TMPRSS9: variants seen among roughly 807,000 people sequenced by gnomAD.
TMPRSS9 encodes the protein transmembrane serine protease 9.
Under a neutral mutation model 111.4 loss-of-function variants are expected in TMPRSS9, and 113 were observed. That is an observed-to-expected ratio of 1.01 (90% CI 0.87 to 1.19). The LOEUF (loss-of-function observed/expected upper bound fraction) is 1.19. TMPRSS9 is among the 50% of genes most tolerant of loss of function. TMPRSS9 has a pLI of 0.00. For synonymous variants in TMPRSS9, 805 were observed against 659.1 expected (o/e 1.22, Z -3.39); for missense variants, 1,803 against 1,513.1 (o/e 1.19, Z -3.18).
intron 1 of TMPRSS9, among the ~76,000 whole-genome samples, chr19:2,368,644 G>A (rs898807556): frequency 6.6e-6 from 1 of 152,096 alleles, no homozygotes; most frequent in African/African-American, 2.4e-5. Flanking sequence ...TGTGAGCCTG[G>A]GCGATGCCCT....
chr19:2,383,261 C>T (rs1970407456), intron 1 of TMPRSS9, among the ~76,000 whole-genome samples: 1 of 151,440 alleles, frequency 6.6e-6, no homozygotes, highest in East Asian at 1.9e-4. Context: ...AGCTGAGGCA[C>T]AAGAATTGCT....
chr19:2,368,774 G>GTTTTTTTT lies in TMPRSS9; in HGVS notation c.-26+8434_-26+8441dup, dbSNP rs762761358. Among the ~76,000 whole-genome samples, 385 of 70,362 alleles carry GTTTTTTTT rather than the reference G, an allele frequency of 5.5e-3. 72 individuals are homozygous for GTTTTTTTT. Among genetic ancestry groups the GTTTTTTTT allele is most frequent in the African/African-American group, 9.0e-3 (149 of 16,536 alleles). 46.2% of individuals were successfully genotyped at this position (70,362 alleles called of 152,430 possible). ...TGCCAGGGCATCAAGGATAAACCCAGTTTTTTTTTTTTTTTTTTTTTTTTT... is the reference window on the plus strand; with the variant it reads ...TGCCAGGGCATCAAGGATAAACCCAGTTTTTTTTTTTTTTTTTTTTTTTTTTTTTTTTT... On this transcript the variant is annotated intron_variant, in intron 1 of 17. Coordinates refer to the TMPRSS9 transcript ENST00000649857.
At chr19:2,380,552 A>C (rs1198898847) in intron 1 of TMPRSS9, among the ~76,000 whole-genome samples, 1 of 149,532 alleles carries the variant, frequency 6.7e-6, no homozygotes, top group African/African-American at 2.5e-5. Context: ...AGTGAGCCAA[A>C]GTTGTGCCAC....
chr19:2,383,359 A>G (rs1970409031), intron 1 of TMPRSS9, among the ~76,000 whole-genome samples: 1 of 151,760 alleles, frequency 6.6e-6, no homozygotes, highest in Non-Finnish European at 1.5e-5. Flanking sequence ...GTCAAAAAAA[A>G]AAAAGGAGAA....
At chr19:2,425,802 T>G in intron 17 of TMPRSS9, 125 bp from the exon 19 acceptor site, 1 of 1,372,342 alleles carries the variant, frequency 7.3e-7, no homozygotes. Flanking sequence ...GAGCCCATTT[T>G]CCAGATAGTG....
At chr19:2,383,399 C>T (rs1458284652) in intron 1 of TMPRSS9, among the ~76,000 whole-genome samples, 1 of 151,306 alleles carries the variant, frequency 6.6e-6, no homozygotes, top group African/African-American at 2.4e-5. Flanking sequence ...TGCAGTGGTT[C>T]TCAGCACTTT....
intron 1 of TMPRSS9, among the ~76,000 whole-genome samples, chr19:2,391,492 CGTGTGA>C (rs940788843): frequency 5.3e-5 from 8 of 150,976 alleles, no homozygotes; most frequent in Non-Finnish European, 1.0e-4. Context: ...TTGGGTTCCT[CGTGTGA>C]GTGTATTTGT....
chr19:2,377,674 C>A (rs1250654871), intron 1 of TMPRSS9, among the ~76,000 whole-genome samples: 1 of 5,612 alleles, frequency 1.8e-4, no homozygotes, highest in African/African-American at 1.1e-3. Context: ...CTCCCTCTCT[C>A]CCTTCCTTCC....
chr19:2,388,174 G>A (rs188636070), upstream of TMPRSS9, among the ~76,000 whole-genome samples: 64 of 152,204 alleles, frequency 4.2e-4, 1 homozygote, highest in South Asian at 5.4e-3. Flanking sequence ...GGAGGATCGC[G>A]TGAGGTCAGG....
exon 11 of TMPRSS9, chr19:2,415,830 C>T: frequency 6.3e-7 from 1 of 1,589,804 alleles, no homozygotes; most frequent in Middle Eastern, 1.7e-4. Context: ...CTGCCGCCCA[C>T]TGCTTCAACC....
At chr19:2,401,892 G>C in intron 4 of TMPRSS9, 83 bp from the exon 6 acceptor site, 1 of 1,283,736 alleles carries the variant, frequency 7.8e-7, no homozygotes, top group Middle Eastern at 2.0e-4. Context: ...ACAGGTGTGA[G>C]CCACCGCGCC....
exon 12 of TMPRSS9, chr19:2,416,566 C>G (rs367744569): frequency 6.2e-7 from 1 of 1,610,978 alleles, no homozygotes; most frequent in Non-Finnish European, 8.5e-7. Context: ...TCGGGCCCAC[C>G]TGGGCACTGC....
intron 1 of TMPRSS9, among the ~76,000 whole-genome samples, chr19:2,362,699 A>G (rs983223735): frequency 3.3e-5 from 5 of 151,886 alleles, no homozygotes; most frequent in Non-Finnish European, 5.9e-5. Flanking sequence ...GTTTAGCTGT[A>G]TGGTCATTGT....
chr19:2,416,753 T>A, exon 12 of TMPRSS9: 2 of 1,612,832 alleles, frequency 1.2e-6, no homozygotes, highest in Non-Finnish European at 1.7e-6. Context: ...ATCCAGAAGT[T>A]CCCTGTGGGC....
At chr19:2,425,704 G>A (rs1227942655) in intron 17 of TMPRSS9, 1 of 1,167,868 alleles carries the variant, frequency 8.6e-7, no homozygotes, top group Non-Finnish European at 1.1e-6. Flanking sequence ...GGCCTCGGCG[G>A]CAGAGCAGGC....
In TMPRSS9 at chr19:2,418,315, C is replaced by T. The variant is rs1199884217; in HGVS notation, c.2154+177C>T. 2.3e-3 allele frequency among the ~76,000 whole-genome samples: 84 copies of T among 36,642 alleles called. 11 individuals are homozygous for T. The East Asian group carries it at 0.04, about 18-fold the overall frequency. 24.0% of individuals were successfully genotyped at this position (36,642 alleles called of 152,430 possible). A position where few individuals can be genotyped will look rare whatever the true frequency, so the allele number is the denominator to read the frequency against. On this transcript the variant is annotated intron_variant, in intron 13 of 17. Coordinates refer to ENST00000648592, the Ensembl canonical transcript of TMPRSS9. ...CCTTTCCTTCCCTCCCTTTCCCTCCCTCCCTCCCTCCCTCCCTTTCCTTCC... is the reference window on the plus strand; with the variant it reads ...CCTTTCCTTCCCTCCCTTTCCCTCCTTCCCTCCCTCCCTCCCTTTCCTTCC...
chr19:2,413,513 GT>G (rs1018271065), intron 9 of TMPRSS9, among the ~76,000 whole-genome samples, 186 bp from the exon 11 acceptor site: 3 of 152,064 alleles, frequency 2.0e-5, no homozygotes, highest in South Asian at 2.1e-4. Context: ...CTTGGGTTTT[GT>G]TTTTTTTCCT....
At chr19:2,405,669 C>T in intron 7 of TMPRSS9, 124 bp downstream of exon 8, 9 of 993,790 alleles carry the variant, frequency 9.1e-6, no homozygotes, top group South Asian at 2.6e-5. Flanking sequence ...CTTTTCCTTT[C>T]TTTCTTGCTT....
Position 2,398,677 on chromosome 19 carries a change from A to G in TMPRSS9, c.271-118A>G, listed in dbSNP as rs543516775. 1.7e-3 allele frequency: 834 copies of G among 486,374 alleles called. 3 individuals carry two copies. Among genetic ancestry groups the G allele is most frequent in the Non-Finnish European group, 2.4e-3 (710 of 290,838 alleles). 30.1% of individuals were successfully genotyped at this position (486,374 alleles called of 1,614,324 possible). A position where few individuals can be genotyped will look rare whatever the true frequency, so the allele number is the denominator to read the frequency against. ...TAAAAATTTAAAATAATAAAAGGAAATGCTTTCCCATGGAACCAACCCCTT... is the reference window on the plus strand; with the variant it reads ...TAAAAATTTAAAATAATAAAAGGAAGTGCTTTCCCATGGAACCAACCCCTT... On this transcript the variant is annotated intron_variant, in intron 2 of 17. Transcript: ENST00000648592.
Sources: gnomAD v4.1 joint callset for allele counts (sites outside exome capture counted in the v4.1 genomes callset) on GRCh38, gnomAD v4.1.1 for gene constraint, MANE v1.5 for transcripts, NCBI Gene and HGNC (gene_info 2026-07-23, HGNC 2026-07-21) for gene names.